The following KCNN2 variants were observed in gnomAD, a reference collection of about 807,000 sequenced individuals.
KCNN2 encodes the protein small conductance calcium-activated potassium channel protein 2.
A neutral mutation model predicts 55.5 loss-of-function variants in KCNN2; 24 were observed. The ratio of observed to expected loss-of-function variants is 0.43; its 90% CI spans 0.31 to 0.61. The LOEUF (loss-of-function observed/expected upper bound fraction) is 0.61, where lower values mean the gene tolerates loss of function less well. KCNN2 is among the 20% of genes least tolerant of loss of function. The probability of loss-of-function intolerance (pLI) is 0.08; values close to 1 mark genes in which losing one functional copy is unlikely to be tolerated. For synonymous variants in KCNN2, 431 were observed against 336.1 expected (o/e 1.28, Z -3.09); for missense variants, 754 against 853.6 (o/e 0.88, Z 1.45).
chr5:114,300,031 T>G (rs868544271), intron 2 of KCNN2, among the ~76,000 whole-genome samples: 7 of 346 alleles, frequency 0.02, no homozygotes, highest in East Asian at 0.083. Context: ...AAAATGGTGT[T>G]TTTTTTTCCA....
At chr5:114,097,432 A>T (rs996979196) in intron 1 of KCNN2, among the ~76,000 whole-genome samples, 1 of 152,162 alleles carries the variant, frequency 6.6e-6, no homozygotes, top group Non-Finnish European at 1.5e-5. Flanking sequence ...CACTAGTGTC[A>T]TGGGTATATG....
rs58992446 is a variant in KCNN2, at chr5:114,341,904, GT to G, written c.-184-19026del. 6.2e-3 allele frequency among the ~76,000 whole-genome samples: 862 copies of G among 138,310 alleles called. 6 individuals are homozygous for G. The highest frequency in any genetic ancestry group is 0.018 in the African/African-American group (686 of 38,046). The allele number at this position is 138,310 out of a possible 152,430, so 90.7% of individuals were successfully genotyped here. On this transcript the variant is annotated intron_variant, in intron 2 of 10. Coordinates refer to the KCNN2 transcript ENST00000512097. ...AGACACTAGAAAGTTTTCATAATGT[GT>G]TTTTTTTTTTTTTTGAGACGGAATC...
chr5:114,167,575 T>A (rs1250303201), intron 1 of KCNN2, among the ~76,000 whole-genome samples: 1 of 152,154 alleles, frequency 6.6e-6, no homozygotes, highest in East Asian at 1.9e-4. Context: ...CTACTTGTTC[T>A]ATGTAACCTG....
intron 2 of KCNN2, among the ~76,000 whole-genome samples, chr5:114,233,756 G>A (rs1754414174): frequency 1.3e-5 from 2 of 152,060 alleles, no homozygotes; most frequent in South Asian, 4.1e-4. Context: ...TTTGCAATTT[G>A]CTCCAAAAAT....
Position 114,288,497 on chromosome 5 carries a change from T to TACACACACACACACAC in KCNN2, c.-185+66933_-185+66934insCACACACACACACACA, listed in dbSNP as rs371769820. ...TCTTTGCCATTACTTTATATATATA[T>TACACACACACACACAC]ATACACACACACACACACACACACA... On this transcript the variant is annotated intron_variant, in intron 2 of 10. Transcript: ENST00000512097. Among the ~76,000 whole-genome samples the TACACACACACACACAC allele has an allele frequency of 2.9e-4, 38 of 128,836 alleles. 1 individual carries two copies. In the East Asian group the frequency reaches 3.1e-3, roughly 11 times the overall value. 84.5% of individuals were successfully genotyped at this position (128,836 alleles called of 152,430 possible).
intron 1 of KCNN2, among the ~76,000 whole-genome samples, chr5:114,162,930 C>G (rs1201090263): frequency 3.3e-5 from 5 of 152,172 alleles, no homozygotes; most frequent in Non-Finnish European, 5.9e-5. Context: ...AAAGGGACTT[C>G]CCTGCCCCCT....
chr5:114,347,548 G>T (rs185938198), intron 2 of KCNN2, among the ~76,000 whole-genome samples: 1 of 152,118 alleles, frequency 6.6e-6, no homozygotes, highest in South Asian at 2.1e-4. Flanking sequence ...TAATAACCTA[G>T]ACAAAACTTT....
At chr5:114,321,589 C>T (rs1416615467) in intron 2 of KCNN2, among the ~76,000 whole-genome samples, 1 of 151,992 alleles carries the variant, frequency 6.6e-6, no homozygotes, top group African/African-American at 2.4e-5. Flanking sequence ...ATTGTTTCCT[C>T]TTTGTAATGG....
chr5:114,463,723 T>C (rs1446668426), intron 4 of KCNN2, among the ~76,000 whole-genome samples: 1 of 152,202 alleles, frequency 6.6e-6, no homozygotes, highest in African/African-American at 2.4e-5. Flanking sequence ...AGGGAAGACT[T>C]GCATTTTAAA....
chr5:114,207,340 T>A (rs1753797424), intron 1 of KCNN2, among the ~76,000 whole-genome samples: 2 of 152,226 alleles, frequency 1.3e-5, no homozygotes, highest in South Asian at 4.1e-4. Flanking sequence ...CTTATCCTTC[T>A]GAGATGCAGT....
intron 1 of KCNN2, among the ~76,000 whole-genome samples, chr5:114,090,215 A>G (rs998411843): frequency 6.6e-6 from 1 of 152,192 alleles, no homozygotes; most frequent in Non-Finnish European, 1.5e-5. Context: ...TCAGTAAGTC[A>G]GGAAAATCTC....
chr5:114,219,059 G>C (rs1472869233), intron 1 of KCNN2, among the ~76,000 whole-genome samples: 1 of 152,234 alleles, frequency 6.6e-6, no homozygotes, highest in African/African-American at 2.4e-5. Flanking sequence ...GAGGGAGCAA[G>C]TAGGTAAGCG....
At chr5:114,203,661 G>A (rs1397759762) in intron 1 of KCNN2, among the ~76,000 whole-genome samples, 1 of 152,148 alleles carries the variant, frequency 6.6e-6, no homozygotes, top group Non-Finnish European at 1.5e-5. Context: ...CCTCATCCCT[G>A]GGCCTATGAA....
chr5:114,124,353 A>C (rs1484900561), intron 1 of KCNN2, among the ~76,000 whole-genome samples: 1 of 152,210 alleles, frequency 6.6e-6, no homozygotes, highest in Non-Finnish European at 1.5e-5. Flanking sequence ...TCACAGAACA[A>C]ATGCCATGGA....
chr5:114,135,031 T>G (rs1256050813), intron 1 of KCNN2, among the ~76,000 whole-genome samples: 1 of 152,178 alleles, frequency 6.6e-6, no homozygotes, highest in Non-Finnish European at 1.5e-5. Flanking sequence ...TGTAGAAAGA[T>G]TTTTAAAAGG....
At chr5:114,199,777 A>G (rs1235134617) in intron 1 of KCNN2, among the ~76,000 whole-genome samples, 1 of 152,106 alleles carries the variant, frequency 6.6e-6, no homozygotes, top group Non-Finnish European at 1.5e-5. Flanking sequence ...TTATTCTGGC[A>G]GTATACAAAA....
chr5:114,464,865 C>CT (rs1761369053), intron 4 of KCNN2, among the ~76,000 whole-genome samples: 1 of 149,514 alleles, frequency 6.7e-6, no homozygotes, highest in African/African-American at 2.5e-5. Flanking sequence ...ATCACTTCCC[C>CT]TTTTTTCCTC....
Position 114,318,467 on chromosome 5 carries a change from C to G in KCNN2, c.-184-42478C>G, listed in dbSNP as rs1408037471. Among the ~76,000 whole-genome samples the G allele has an allele frequency of 2.0e-5, 3 of 151,818 alleles. No individual in the cohort carries two copies. In the East Asian group the frequency reaches 5.8e-4, roughly 29 times the overall value. ...AAGGTATGTATTTATAACCCCAGAT[C>G]TGAAAAAGTTGAAACTTCTGATAAT... On this transcript the variant is annotated intron_variant, in intron 2 of 10. Coordinates refer to the KCNN2 transcript ENST00000512097.
At chr5:114,145,194 C>T (rs1045275488) in intron 1 of KCNN2, among the ~76,000 whole-genome samples, 1 of 152,158 alleles carries the variant, frequency 6.6e-6, no homozygotes, top group African/African-American at 2.4e-5. Flanking sequence ...GTTGTCACTA[C>T]TTTTTTGTAA....
Sources: allele counts gnomAD v4.1 joint callset (sites outside exome capture counted in the v4.1 genomes callset), GRCh38; gene constraint gnomAD v4.1.1; transcripts MANE v1.5; gene names NCBI Gene and HGNC (gene_info 2026-07-23, HGNC 2026-07-21).